SPINT3: variants seen among roughly 807,000 people sequenced by gnomAD.
SPINT3 encodes kunitz-type protease inhibitor 3.
SPINT3 carries 4 observed loss-of-function variants against 3.3 expected under a neutral mutation model. The ratio of observed to expected loss-of-function variants is 1.22; its 90% CI spans 0.60 to 2.79. SPINT3 has a LOEUF of 2.79. Among genes scored for constraint, SPINT3 ranks in the 30% most tolerant of loss-of-function variants. The probability of loss-of-function intolerance (pLI) is 0.01; values close to 1 mark genes in which losing one functional copy is unlikely to be tolerated. For missense variants in SPINT3, 97 were observed against 104.3 expected (o/e 0.93, Z 0.31); for synonymous variants, 30 against 38.6 (o/e 0.78, Z 0.83).
chr20:45,515,478 C>G, intron 1 of SPINT3, 55 bp downstream of exon 1: 1 of 1,324,010 alleles, frequency 7.6e-7, no homozygotes, highest in Non-Finnish European at 1.1e-6. Context: ...CCCACCACCC[C>G]GCCCCCCAGC....
Position 45,512,585 on chromosome 20 carries a change from G to T in SPINT3, c.*66C>A. 7.2e-7 allele frequency: 1 copy of T among 1,395,456 alleles called. No homozygotes were observed. Among genetic ancestry groups the T allele is most frequent in the Non-Finnish European group, 9.8e-7 (1 of 1,021,392 alleles). The allele number at this position is 1,395,456 out of a possible 1,614,324, so 86.4% of individuals were successfully genotyped here. A position where few individuals can be genotyped will look rare whatever the true frequency, so the allele number is the denominator to read the frequency against. ...TTCACACACACACACACACACACAC[G>T]CAAATGCCTTCTATGGCCCTCAGAG... On this transcript the variant is annotated 3_prime_UTR_variant, in exon 2 of 2. Coordinates refer to ENST00000217428, the MANE Select transcript of SPINT3 (RefSeq NM_006652.2).
intron 1 of SPINT3, among the ~76,000 whole-genome samples, chr20:45,514,123 A>G (rs947635799): frequency 1.1e-4 from 16 of 152,226 alleles, no homozygotes; most frequent in African/African-American, 3.9e-4. Context: ...TAGTCACTGC[A>G]TCATCGGCCC....
chr20:45,514,943 G>A (rs1568980375), intron 1 of SPINT3, among the ~76,000 whole-genome samples: 1 of 151,952 alleles, frequency 6.6e-6, no homozygotes, highest in Non-Finnish European at 1.5e-5. Context: ...TTTATACAGG[G>A]CATCCTACTG....
rs1027038151 is a variant in SPINT3 at position 45,512,493 on chromosome 20, A to G, written c.*158T>C. The G allele has an allele frequency of 1.5e-5, 10 of 682,074 alleles. No homozygotes were observed. The highest frequency in any genetic ancestry group is 2.4e-5 in the Non-Finnish European group (10 of 413,878). The allele number at this position is 682,074 out of a possible 1,614,324, so 42.3% of individuals were successfully genotyped here. A position where few individuals can be genotyped will look rare whatever the true frequency, so the allele number is the denominator to read the frequency against. ...GCAACATTTATAGAATTTCAGGCAC[A>G]GAGATGAAGCACTTGTAGGAGCACA... On this transcript the variant is annotated 3_prime_UTR_variant, in exon 2 of 2. Transcript: ENST00000217428.
intron 1 of SPINT3, among the ~76,000 whole-genome samples, chr20:45,513,905 TTGG>T (rs1380811605): frequency 2.0e-5 from 3 of 152,220 alleles, no homozygotes; most frequent in Non-Finnish European, 2.9e-5. Context: ...TCCATCCATC[TTGG>T]TTGTTGTAAA....
Position 45,512,796 on chromosome 20 carries a change from T to A in SPINT3, c.125A>T (p.Lys42Met). ...CGTCATGTAGGTTTGACAAGGGCCC[T>A]TTTCCATAGGAAAAGCGCATACATT... is the stretch of plus-strand genomic sequence containing the variant. ...LPNVCAFPME[K>M]GPCQTYMTRW... The change falls in exon 2 of 2, where the codon AAG (lysine) becomes ATG (methionine). Residue 42 changes from lysine to methionine, a missense_variant. Transcript: ENST00000217428. 6.4e-7 allele frequency: 1 copy of A among 1,551,606 alleles called. No individual in the cohort carries two copies. The highest frequency in any genetic ancestry group is 1.2e-5 in the South Asian group (1 of 84,050).
rs572410069 is a variant in SPINT3 at position 45,515,578 on chromosome 20, G to C, written c.31C>G (p.Leu11Val). 3.0e-5 allele frequency: 46 copies of C among 1,551,424 alleles called. No individual in the cohort carries two copies. In the East Asian group the frequency reaches 1.1e-3, roughly 35 times the overall value. ...AGCTCTAGGCAGAGAGTGAGAATCA[G>C]GAGAAACGAGAGAGAGGCCTGAAGC... MQLQASLSFLLILTLCLELRS... is the reference protein window; with the variant it reads MQLQASLSFLVILTLCLELRS... The change falls in exon 1 of 2, where the codon CTG becomes GTG. Residue 11 changes from leucine to valine, a missense_variant. Transcript: ENST00000217428.
chr20:45,515,478 C>A, intron 1 of SPINT3, 55 bp downstream of exon 1: 298 of 1,323,904 alleles, frequency 2.3e-4, no homozygotes, highest in Non-Finnish European at 3.0e-4. Context: ...CCCACCACCC[C>A]GCCCCCCAGC....
intron 1 of SPINT3, 39 bp downstream of exon 1, chr20:45,515,485 CAGCCTGATT>C: frequency 6.7e-7 from 1 of 1,482,060 alleles, no homozygotes; most frequent in Non-Finnish European, 9.2e-7. Flanking sequence ...CCCCGCCCCC[CAGCCTGATT>C]CCCAGTCTAT....
In SPINT3 at chr20:45,512,660, C is replaced by A; in HGVS notation, c.261G>T (p.Lys87Asn). 6.4e-7 allele frequency: 1 copy of A among 1,551,572 alleles called. No individual in the cohort carries two copies. Among genetic ancestry groups the A allele is most frequent in the Non-Finnish European group, 8.7e-7 (1 of 1,146,924 alleles). ...TGTTCTTGTTAGAAAATCAGGTGAA[C>A]TTGCAGAATTTCTCACATTTTTCTT... ...LRKEKCEKFC[K>N]FT is the part of the protein sequence containing the mutation. The change falls in exon 2 of 2, where the codon AAG becomes AAT. Residue 87 changes from lysine (K) to asparagine (N), a missense_variant. By Grantham distance (94) the Lys-to-Asn change is moderately conservative. Coordinates refer to ENST00000217428, the MANE Select transcript of SPINT3 (RefSeq NM_006652.2).
At chr20:45,514,563 T>C (rs1978822341) in intron 1 of SPINT3, among the ~76,000 whole-genome samples, 1 of 152,242 alleles carries the variant, frequency 6.6e-6, no homozygotes, top group Non-Finnish European at 1.5e-5. Context: ...TTCTTACTTA[T>C]GGCAGACATT....
At position 45,512,554 on chromosome 20, in the gene SPINT3, C is replaced by G. The variant is rs1201812269; in HGVS notation, c.*97G>C. Reference sequence around the variant, plus strand: ...TAAATGTGGGGGTAGAGGAATGAACCTCTTGTTCACACACACACACACACA... The same window carrying G: ...TAAATGTGGGGGTAGAGGAATGAACGTCTTGTTCACACACACACACACACA... On this transcript the variant is annotated 3_prime_UTR_variant, in exon 2 of 2. Transcript: ENST00000217428. 3 of 1,158,612 alleles carry G rather than the reference C, an allele frequency of 2.6e-6. No homozygotes were observed. In the Admixed American group the frequency reaches 8.5e-5, roughly 33 times the overall value. 71.8% of individuals were successfully genotyped at this position (1,158,612 alleles called of 1,614,324 possible). A position where few individuals can be genotyped will look rare whatever the true frequency, so the allele number is the denominator to read the frequency against.
chr20:45,512,961 G>T lies in SPINT3; in HGVS notation c.77-117C>A, dbSNP rs556948732. Reference sequence around the variant, plus strand: ...TTGTGAGGCCATCCACAATGGCTGTGCTCTGTACCTCTTTCTACCCAGCTA... The same window carrying T: ...TTGTGAGGCCATCCACAATGGCTGTTCTCTGTACCTCTTTCTACCCAGCTA... On this transcript the variant is annotated intron_variant, in intron 1 of 1. Transcript: ENST00000217428. 2.6e-4 allele frequency: 186 copies of T among 726,420 alleles called. No individual in the cohort carries two copies. The African/African-American group carries it at 3.0e-3, about 12-fold the overall frequency. 45.0% of individuals were successfully genotyped at this position (726,420 alleles called of 1,614,324 possible).
Position 45,512,842 on chromosome 20 carries a change from T to C in SPINT3, c.79A>G (p.Thr27Ala). The C allele has an allele frequency of 1.3e-6, 2 of 1,551,052 alleles. No homozygotes were observed. The highest frequency in any genetic ancestry group is 1.7e-6 in the Non-Finnish European group (2 of 1,146,626). Residue 27 changes from threonine (T) to alanine (A), a missense_variant and splice_region_variant, in exon 2 of 2, where the codon ACT becomes GCT. By Grantham distance (58) the Thr-to-Ala change is moderately conservative. Coordinates refer to ENST00000217428, the MANE Select transcript of SPINT3 (RefSeq NM_006652.2). The part of the protein sequence containing the change: ...LELRSELARD[T>A]IKDLLPNVCA... ...ACATTTGGGAGGAGATCCTTGATAG[T>C]GTCTGAAGAGAGAAAGTGGTTGAAG...
At chr20:45,514,622 A>C (rs1421811922) in intron 1 of SPINT3, among the ~76,000 whole-genome samples, 1 of 152,104 alleles carries the variant, frequency 6.6e-6, no homozygotes, top group South Asian at 2.1e-4. Context: ...TGTTAGAGAG[A>C]CCCACCTCCA....
At chr20:45,513,970 C>CA (rs1212484076) in intron 1 of SPINT3, among the ~76,000 whole-genome samples, 1 of 152,224 alleles carries the variant, frequency 6.6e-6, no homozygotes, top group African/African-American at 2.4e-5. Context: ...CTTCAGGCAG[C>CA]AGCCTAGGGC....
intron 1 of SPINT3, 26 bp from the exon 2 acceptor site, chr20:45,512,870 G>A (rs1264526674): frequency 1.3e-6 from 2 of 1,537,576 alleles, no homozygotes; most frequent in Non-Finnish European, 1.8e-6. Flanking sequence ...GGTTGAAGGA[G>A]ACCAAACCCA....
At chr20:45,513,208 C>A (rs1978785139) in intron 1 of SPINT3, among the ~76,000 whole-genome samples, 1 of 152,204 alleles carries the variant, frequency 6.6e-6, no homozygotes, top group Non-Finnish European at 1.5e-5. Context: ...CCTTCCAGAT[C>A]TACTTTTATA....
chr20:45,513,511 A>G (rs1403828301), intron 1 of SPINT3, among the ~76,000 whole-genome samples: 2 of 152,236 alleles, frequency 1.3e-5, no homozygotes, highest in Non-Finnish European at 2.9e-5. Context: ...AAATAAATCA[A>G]TAAATAGTAG....
Sources: gnomAD v4.1 joint callset for allele counts (sites outside exome capture counted in the v4.1 genomes callset) on GRCh38, gnomAD v4.1.1 for gene constraint, MANE v1.5 for transcripts, NCBI Gene and HGNC (gene_info 2026-07-23, HGNC 2026-07-21) for gene names.